The following PTPRD variants were observed in gnomAD, a reference collection of about 807,000 sequenced individuals.
The protein encoded by PTPRD is receptor-type tyrosine-protein phosphatase delta.
PTPRD carries 34 observed loss-of-function variants against 214.5 expected under a neutral mutation model. That is an observed-to-expected ratio of 0.16 (90% CI 0.12 to 0.21). The LOEUF (loss-of-function observed/expected upper bound fraction) is 0.21. Among genes scored for constraint, PTPRD ranks in the 10% least tolerant of loss-of-function variants. PTPRD has a pLI of 1.00. For synonymous variants in PTPRD, 1,128 were observed against 845.7 expected (o/e 1.33, Z -5.79); for missense variants, 2,545 against 2,398.7 (o/e 1.06, Z -1.27).
intron 5 of PTPRD, among the ~76,000 whole-genome samples, chr9:9,892,888 A>G (rs2073846971): frequency 6.6e-6 from 1 of 152,122 alleles, no homozygotes; most frequent in Admixed American, 6.6e-5. Context: ...AGAGTCAAGG[A>G]TGACTCAAAG....
At position 8,640,335 on chromosome 9, in the gene PTPRD, G is replaced by C. The variant is rs367890234; in HGVS notation, c.65-3491C>G. Among the ~76,000 whole-genome samples, 70 of 152,112 alleles carry C rather than the reference G, an allele frequency of 4.6e-4. No individual in the cohort carries two copies. In the East Asian group the frequency reaches 0.011, roughly 24 times the overall value. On this transcript the variant is annotated intron_variant, in intron 12 of 45. Coordinates refer to ENST00000381196, the MANE Select transcript of PTPRD (RefSeq NM_002839.4). Reference sequence around the variant, plus strand: ...CTGCACTACAACCTGGGTGACAAGAGTGAAACTCCATCTCAAAAATAAAAA... The same window carrying C: ...CTGCACTACAACCTGGGTGACAAGACTGAAACTCCATCTCAAAAATAAAAA...
intron 10 of PTPRD, among the ~76,000 whole-genome samples, chr9:9,020,370 G>A (rs921647631): frequency 1.3e-5 from 2 of 152,136 alleles, no homozygotes; most frequent in Non-Finnish European, 1.5e-5. Context: ...CTAGATGGAG[G>A]AGACAGTGAT....
At chr9:8,545,255 T>A (rs2079730257) in intron 14 of PTPRD, among the ~76,000 whole-genome samples, 1 of 152,210 alleles carries the variant, frequency 6.6e-6, no homozygotes, top group African/African-American at 2.4e-5. Flanking sequence ...ATTTTGTCCT[T>A]GACAAAGATA....
intron 3 of PTPRD, among the ~76,000 whole-genome samples, chr9:10,208,248 C>T (rs544367288): frequency 9.8e-5 from 15 of 152,318 alleles, no homozygotes; most frequent in Admixed American, 2.6e-4. Flanking sequence ...GGCGCGGTGG[C>T]TCAGGCCCGT....
intron 11 of PTPRD, among the ~76,000 whole-genome samples, chr9:8,784,411 G>T (rs769016082): frequency 2.6e-5 from 4 of 152,154 alleles, no homozygotes; most frequent in Non-Finnish European, 5.9e-5. Flanking sequence ...TATTTTCATT[G>T]CTTAAGGTGT....
intron 11 of PTPRD, among the ~76,000 whole-genome samples, chr9:8,942,180 T>C (rs2099038121): frequency 2.0e-5 from 3 of 152,224 alleles, no homozygotes; most frequent in Admixed American, 2.0e-4. Context: ...GTCGATACTT[T>C]ACCCATTGCC....
At chr9:9,249,269 T>A (rs2099974431) in intron 9 of PTPRD, among the ~76,000 whole-genome samples, 1 of 152,022 alleles carries the variant, frequency 6.6e-6, no homozygotes, top group Admixed American at 6.6e-5. Flanking sequence ...ACTTCCATCA[T>A]AAGTAAAGGC....
chr9:9,054,798 C>G (rs892065383), intron 10 of PTPRD, among the ~76,000 whole-genome samples: 2 of 152,142 alleles, frequency 1.3e-5, no homozygotes, highest in East Asian at 3.9e-4. Flanking sequence ...AGATCACAGT[C>G]CTGTAGGTCA....
At chr9:10,267,000 C>G (rs1302940671) in intron 3 of PTPRD, among the ~76,000 whole-genome samples, 2 of 151,742 alleles carry the variant, frequency 1.3e-5, no homozygotes, top group Admixed American at 6.6e-5. Context: ...ACCAGCCTGG[C>G]TAACATGGTG....
intron 27 of PTPRD, among the ~76,000 whole-genome samples, chr9:8,488,138 A>T (rs929417888): frequency 1.3e-5 from 2 of 152,194 alleles, no homozygotes; most frequent in African/African-American, 2.4e-5. Context: ...AAGGTAAAAA[A>T]ATCACTAAAA....
At chr9:10,102,409 A>AC (rs986876005) in intron 3 of PTPRD, among the ~76,000 whole-genome samples, 1 of 55,218 alleles carries the variant, frequency 1.8e-5, no homozygotes, top group African/African-American at 1.0e-4. Context: ...TGTCAATATA[A>AC]AAAAACCCAC....
intron 44 of PTPRD, among the ~76,000 whole-genome samples, chr9:8,328,461 G>C (rs200139021): frequency 2.0e-5 from 3 of 151,958 alleles, no homozygotes; most frequent in African/African-American, 7.3e-5. Context: ...TTTTTCCTTC[G>C]TTTCAAGCTT....
In PTPRD at chr9:8,492,902, A is replaced by G; in HGVS notation, c.2427T>C (p.Gly809=). 6.2e-7 allele frequency: 1 copy of G among 1,613,818 alleles called. No individual in the cohort carries two copies. Among genetic ancestry groups the G allele is most frequent in the Non-Finnish European group, 8.5e-7 (1 of 1,179,822 alleles). The change falls in exon 27 of 46, where the codon GGT becomes GGC. Residue 809 remains glycine (G), a synonymous_variant. Transcript: ENST00000381196. ...ACACCAGTTTGGGCTTGCTGCGAGC[A>G]CCATCTCCTTTGGTTGTGTAGGCTG... ...TVTAYTTKGD[G]ARSKPKLVST...
At chr9:8,409,206 GCC>G (rs2093316203) in intron 35 of PTPRD, among the ~76,000 whole-genome samples, 1 of 152,116 alleles carries the variant, frequency 6.6e-6, no homozygotes, top group Non-Finnish European at 1.5e-5. Context: ...AGAAGTAGTT[GCC>G]ATTATGATTA....
chr9:8,803,585 T>C (rs545985037), intron 11 of PTPRD, among the ~76,000 whole-genome samples: 2 of 152,128 alleles, frequency 1.3e-5, no homozygotes, highest in South Asian at 4.1e-4. Context: ...ATTAAAAAAT[T>C]AGTCAGGCAT....
Position 9,692,174 on chromosome 9 carries a change from G to A in PTPRD, c.-287+42359C>T, listed in dbSNP as rs1188830694. On this transcript the variant is annotated intron_variant, in intron 7 of 45. Coordinates refer to ENST00000381196, the MANE Select transcript of PTPRD (RefSeq NM_002839.4). ...TTTGCTTTGGTTGCCTATGCTTGTGGGATATTCATGAAGAAACATTTGCCC... is the reference window on the plus strand; with the variant it reads ...TTTGCTTTGGTTGCCTATGCTTGTGAGATATTCATGAAGAAACATTTGCCC... Among the ~76,000 whole-genome samples, 10 of 151,282 alleles carry A rather than the reference G, an allele frequency of 6.6e-5. No homozygotes were observed. The East Asian group carries it at 1.7e-3, about 26-fold the overall frequency.
intron 4 of PTPRD, among the ~76,000 whole-genome samples, chr9:9,962,795 A>ATCTT (rs1402542550): frequency 6.6e-6 from 1 of 152,124 alleles, no homozygotes; most frequent in Non-Finnish European, 1.5e-5. Context: ...CTGACTTAGA[A>ATCTT]TCTTAGCAGA....
intron 6 of PTPRD, among the ~76,000 whole-genome samples, chr9:9,765,419 A>G (rs185868834): frequency 6.6e-6 from 1 of 152,278 alleles, no homozygotes; most frequent in Admixed American, 6.5e-5. Flanking sequence ...ATAACCTCAA[A>G]CCAAGGATGC....
At chr9:10,380,318 G>C (rs890481827) in intron 2 of PTPRD, among the ~76,000 whole-genome samples, 1 of 152,064 alleles carries the variant, frequency 6.6e-6, no homozygotes, top group South Asian at 2.1e-4. Context: ...AATGACCCAT[G>C]AGAGCAAACC....
Sources: gnomAD v4.1 joint callset for allele counts (sites outside exome capture counted in the v4.1 genomes callset) on GRCh38, gnomAD v4.1.1 for gene constraint, MANE v1.5 for transcripts, NCBI Gene and HGNC (gene_info 2026-07-23, HGNC 2026-07-21) for gene names.